Variants in PDYN observed in about 807,000 individuals in gnomAD.
PDYN encodes the protein prodynorphin, also known as proenkephalin-B.
In PDYN, 5 loss-of-function variants were observed where a neutral mutation model predicts 11.4. The observed-to-expected ratio is 0.44, with a 90% CI of 0.23 to 0.92. PDYN has a LOEUF of 0.92. Among genes scored for constraint, PDYN ranks in the 40% least tolerant of loss-of-function variants. The pLI is 0.24. For missense variants in PDYN, 337 were observed against 317.3 expected (o/e 1.06, Z -0.47); for synonymous variants, 132 against 129.5 (o/e 1.02, Z -0.13).
At chr20:1,990,260 G>A (rs538435308) in intron 2 of PDYN, among the ~76,000 whole-genome samples, 1 of 152,344 alleles carries the variant, frequency 6.6e-6, no homozygotes, top group East Asian at 1.9e-4. Context: ...GAGTCAGTCT[G>A]CTGACCACGC....
At chr20:1,987,288 G>A (rs1471240527) in intron 2 of PDYN, among the ~76,000 whole-genome samples, 1 of 152,126 alleles carries the variant, frequency 6.6e-6, no homozygotes, top group Non-Finnish European at 1.5e-5. Context: ...TGGTGTCCCA[G>A]TACCTCATAC....
At chr20:1,983,314 C>G (rs946592199) in intron 2 of PDYN, among the ~76,000 whole-genome samples, 1 of 152,166 alleles carries the variant, frequency 6.6e-6, no homozygotes, top group Non-Finnish European at 1.5e-5. Flanking sequence ...ACTGTATACC[C>G]AGAGCTTTCC....
At chr20:1,993,305 C>G (rs1487356775) in intron 1 of PDYN, among the ~76,000 whole-genome samples, 1 of 152,080 alleles carries the variant, frequency 6.6e-6, no homozygotes, top group African/African-American at 2.4e-5. Flanking sequence ...TTTCCCATTC[C>G]CTTCCAACAA....
At chr20:1,983,216 G>T in intron 2 of PDYN, 113 bp from the exon 3 acceptor site, 2 of 931,432 alleles carry the variant, frequency 2.1e-6, no homozygotes, top group Non-Finnish European at 3.2e-6. Context: ...AAAGCATTCT[G>T]ATTCCCATTC....
intron 2 of PDYN, among the ~76,000 whole-genome samples, chr20:1,988,173 C>T (rs1280157872): frequency 1.3e-5 from 2 of 152,138 alleles, no homozygotes; most frequent in African/African-American, 2.4e-5. Context: ...ACAGCAGCCC[C>T]AGAGGTGCAT....
intron 2 of PDYN, among the ~76,000 whole-genome samples, chr20:1,991,448 G>C (rs1220368588): frequency 6.6e-6 from 1 of 152,166 alleles, no homozygotes; most frequent in East Asian, 1.9e-4. Context: ...GCATCAGTCT[G>C]GATCCAGGCT....
At chr20:1,988,587 A>G (rs1209814727) in intron 2 of PDYN, among the ~76,000 whole-genome samples, 1 of 152,212 alleles carries the variant, frequency 6.6e-6, no homozygotes, top group Non-Finnish European at 1.5e-5. Context: ...CCCCTTGGTA[A>G]GCGGGAGGCA....
chr20:1,985,952 G>A (rs1005128833), intron 2 of PDYN, among the ~76,000 whole-genome samples: 2 of 152,174 alleles, frequency 1.3e-5, no homozygotes, highest in South Asian at 2.1e-4. Context: ...ACTCCTGGCC[G>A]AAGGCTTCCC....
intron 2 of PDYN, among the ~76,000 whole-genome samples, chr20:1,988,687 C>T (rs742622): frequency 0.15 from 22,968 of 152,176 alleles, 2,580 homozygotes; most frequent in East Asian, 0.62. Flanking sequence ...AGGAAAAGTC[C>T]TTTGCACTTG....
At chr20:1,993,117 T>C (rs1002499314) in intron 1 of PDYN, among the ~76,000 whole-genome samples, 1 of 150,870 alleles carries the variant, frequency 6.6e-6, no homozygotes, top group Non-Finnish European at 1.5e-5. Context: ...CTTTGAGACT[T>C]GGTACTTTTC....
rs1409453914 is a variant in PDYN, at chr20:1,980,055, T to C, written c.*268A>G. ...GATCACAAACTGCTGCTGCTGCTGC[T>C]GCTGCCGCTGCTGATAGTTTTAGAG... On this transcript the variant is annotated 3_prime_UTR_variant, in exon 4 of 4. Transcript: ENST00000217305. 4 of 520,476 alleles carry C rather than the reference T, an allele frequency of 7.7e-6. No homozygotes were observed. Among genetic ancestry groups the C allele is most frequent in the Admixed American group, 6.4e-5 (2 of 31,376 alleles). 32.2% of individuals were successfully genotyped at this position (520,476 alleles called of 1,614,324 possible).
chr20:1,988,874 A>G (rs1988310242), intron 2 of PDYN, among the ~76,000 whole-genome samples: 1 of 152,172 alleles, frequency 6.6e-6, no homozygotes, highest in African/African-American at 2.4e-5. Context: ...CTTTCTGCGG[A>G]TAGGCACACC....
In PDYN at chr20:1,980,421, G is replaced by T. The variant is rs757454440; in HGVS notation, c.667C>A (p.Gln223Lys). The change falls in exon 4 of 4, where the codon CAG (glutamine) becomes AAG (lysine). Residue 223 changes from glutamine to lysine, a missense_variant. Transcript: ENST00000217305. ...RIRPKLKWDN[Q>K]KRYGGFLRRQ... ...CGGAGAAAACCGCCATAGCGCTTCT[G>T]GTTGTCCCACTTGAGCTTGGGACGA... The T allele has an allele frequency of 1.2e-6, 2 of 1,614,032 alleles. No homozygotes were observed. The highest frequency in any genetic ancestry group is 1.7e-6 in the Non-Finnish European group (2 of 1,180,040).
At chr20:1,988,910 C>A (rs534822236) in intron 2 of PDYN, among the ~76,000 whole-genome samples, 1 of 152,290 alleles carries the variant, frequency 6.6e-6, no homozygotes, top group Admixed American at 6.5e-5. Context: ...CCCTGGAGAA[C>A]CTTGGCTAAT....
Position 1,979,867 on chromosome 20 carries a change from T to C in PDYN, c.*456A>G, listed in dbSNP as rs758004556. Reference sequence around the variant, plus strand: ...TACCTTCTTTTAAAGTTCTACTCTTTGTTTATGATGTGTATACTATCTGCA... The same window carrying C: ...TACCTTCTTTTAAAGTTCTACTCTTCGTTTATGATGTGTATACTATCTGCA... On this transcript the variant is annotated 3_prime_UTR_variant, in exon 4 of 4. Coordinates refer to ENST00000217305, the MANE Select transcript of PDYN (RefSeq NM_024411.5). The C allele has an allele frequency of 4.5e-5, 8 of 179,450 alleles. No homozygotes were observed. The highest frequency in any genetic ancestry group is 9.6e-5 in the Non-Finnish European group (8 of 82,998). 11.1% of individuals were successfully genotyped at this position (179,450 alleles called of 1,614,324 possible). A position where few individuals can be genotyped will look rare whatever the true frequency, so the allele number is the denominator to read the frequency against.
rs1600517979 is a variant in PDYN, at chr20:1,983,917, A to G, written c.-19-814T>C. Among the ~76,000 whole-genome samples, 5 of 152,280 alleles carry G rather than the reference A, an allele frequency of 3.3e-5. No individual in the cohort carries two copies. In the South Asian group the frequency reaches 1.0e-3, roughly 32 times the overall value. On this transcript the variant is annotated intron_variant, in intron 2 of 3. Transcript: ENST00000217305. ...ATGCATCAGGCTCTGACCCACCCCCAGGCCTTTGCACATGCTGTTCCCTCC... is the reference window on the plus strand; with the variant it reads ...ATGCATCAGGCTCTGACCCACCCCCGGGCCTTTGCACATGCTGTTCCCTCC...
rs754168602 is a variant in PDYN, at chr20:1,979,785, A to C, written c.*538T>G. The C allele has an allele frequency of 5.8e-6, 1 of 172,254 alleles. No homozygotes were observed. Among genetic ancestry groups the C allele is most frequent in the African/African-American group, 2.4e-5 (1 of 41,760 alleles). The allele number at this position is 172,254 out of a possible 1,614,324, so 10.7% of individuals were successfully genotyped here. ...AAGCATCGTCTCCAAAGTCAGGTGC[A>C]CAGGAGATCTTTTGAGATTTGGGAA... On this transcript the variant is annotated 3_prime_UTR_variant, in exon 4 of 4. Coordinates refer to ENST00000217305, the MANE Select transcript of PDYN (RefSeq NM_024411.5).
chr20:1,987,109 A>G (rs1185532695), intron 2 of PDYN, among the ~76,000 whole-genome samples: 2 of 152,182 alleles, frequency 1.3e-5, no homozygotes, highest in Non-Finnish European at 2.9e-5. Context: ...GCCAGGGTGC[A>G]TGAAGGGACG....
chr20:1,980,997 A>G (rs1354978283), intron 3 of PDYN, 39 bp from the exon 4 acceptor site: 1 of 1,611,280 alleles, frequency 6.2e-7, no homozygotes. Context: ...GCAAATGATC[A>G]AAACACATGC....
Sources: gnomAD v4.1 joint callset for allele counts (sites outside exome capture counted in the v4.1 genomes callset) on GRCh38, gnomAD v4.1.1 for gene constraint, MANE v1.5 for transcripts, NCBI Gene and HGNC (gene_info 2026-07-23, HGNC 2026-07-21) for gene names.